Variants in CMBL observed in about 807,000 individuals in gnomAD.
The protein encoded by CMBL is carboxymethylenebutenolidase homolog.
CMBL carries 17 observed loss-of-function variants against 28.7 expected under a neutral mutation model. The observed-to-expected ratio is 0.59, with a 90% confidence interval of 0.41 to 0.89. The LOEUF (loss-of-function observed/expected upper bound fraction) is 0.89, where lower values mean the gene tolerates loss of function less well. Among genes scored for constraint, CMBL ranks in the 40% least tolerant of loss-of-function variants. The probability of loss-of-function intolerance (pLI) is 0.00; values close to 1 mark genes in which losing one functional copy is unlikely to be tolerated. For synonymous variants in CMBL, 106 were observed against 101.6 expected (o/e 1.04, Z -0.26); for missense variants, 310 against 298.5 (o/e 1.04, Z -0.28).
chr5:10,300,658 C>G (rs563793084), intron 1 of CMBL, among the ~76,000 whole-genome samples: 1 of 151,724 alleles, frequency 6.6e-6, no homozygotes, highest in Non-Finnish European at 1.5e-5. Context: ...TTTAATTAGC[C>G]GGGCATGGTG....
intron 3 of CMBL, among the ~76,000 whole-genome samples, 166 bp from the exon 4 acceptor site, chr5:10,286,662 T>C (rs1746610468): frequency 6.6e-6 from 1 of 152,152 alleles, no homozygotes; most frequent in South Asian, 2.1e-4. Context: ...TGATGCATCA[T>C]CCCAGCACAT....
In CMBL at chr5:10,279,741, T is replaced by C. The variant is rs1017672765; in HGVS notation, c.*712A>G. ...TTTTAGTAGAGATGGGGTTTCACCA[T>C]GTTGGCCAGGCTGGTCTTGAACTCC... On this transcript the variant is annotated 3_prime_UTR_variant, in exon 6 of 6. Transcript: ENST00000296658. 1 of 152,102 alleles carries C rather than the reference T, an allele frequency of 6.6e-6. No individual in the cohort carries two copies. The highest frequency in any genetic ancestry group is 1.5e-5 in the Non-Finnish European group (1 of 68,028). 9.4% of individuals were successfully genotyped at this position (152,102 alleles called of 1,614,324 possible).
chr5:10,302,491 A>G (rs1746917196), intron 1 of CMBL, among the ~76,000 whole-genome samples: 1 of 151,774 alleles, frequency 6.6e-6, no homozygotes, highest in Admixed American at 6.6e-5. Context: ...TAAAAAAAAA[A>G]AAAAAAAATT....
chr5:10,281,957 C>T (rs760935175), intron 5 of CMBL, among the ~76,000 whole-genome samples: 30 of 152,046 alleles, frequency 2.0e-4, no homozygotes, highest in Non-Finnish European at 3.2e-4. Flanking sequence ...GTCAGGAGTT[C>T]AAGACCAGCC....
intron 1 of CMBL, among the ~76,000 whole-genome samples, chr5:10,301,968 G>T (rs555743207): frequency 6.6e-6 from 1 of 152,270 alleles, no homozygotes; most frequent in African/African-American, 2.4e-5. Flanking sequence ...TTTTGCAAAA[G>T]GAATGCTTAC....
chr5:10,298,554 G>T (rs1467116953), intron 1 of CMBL, among the ~76,000 whole-genome samples: 1 of 152,186 alleles, frequency 6.6e-6, no homozygotes, highest in Non-Finnish European at 1.5e-5. Context: ...ATATCATGAT[G>T]TACCCACAGA....
At chr5:10,283,673 G>A (rs368752083) in intron 4 of CMBL, among the ~76,000 whole-genome samples, 5 of 152,330 alleles carry the variant, frequency 3.3e-5, no homozygotes, top group African/African-American at 1.2e-4. Flanking sequence ...GCTGAGACAG[G>A]AGAATTGCTT....
At position 10,280,530 on chromosome 5, in the gene CMBL, C is replaced by A. The variant is rs1433341672; in HGVS notation, c.661G>T (p.Asp221Tyr). The change falls in exon 6 of 6, where the codon GAT becomes TAT. Residue 221 changes from aspartate to tyrosine, a missense_variant. By Grantham distance (160) the Asp-to-Tyr change is radical. Coordinates refer to ENST00000296658, the MANE Select transcript of CMBL (RefSeq NM_138809.4). ...TAGGGCTTGTCTGCAGGTGAGCAAT[C>A]TTCTCTCTTCCGATGCACGAACCCA... is the stretch of plus-strand genomic sequence containing the variant. Reference protein sequence around the residue: ...THGFVHRKREDCSPADKPYID... With the variant: ...THGFVHRKREYCSPADKPYID... 3 of 1,613,904 alleles carry A rather than the reference C, an allele frequency of 1.9e-6. No individual in the cohort carries two copies. Among genetic ancestry groups the A allele is most frequent in the Non-Finnish European group, 2.5e-6 (3 of 1,179,894 alleles).
chr5:10,285,700 C>CTTTTT (rs34390937), intron 4 of CMBL, among the ~76,000 whole-genome samples: 2 of 133,704 alleles, frequency 1.5e-5, no homozygotes, highest in Non-Finnish European at 3.1e-5. Flanking sequence ...CTTTCTTTTT[C>CTTTTT]TTTTTTTTTT....
At chr5:10,285,700 CTTT>C (rs34390937) in intron 4 of CMBL, among the ~76,000 whole-genome samples, 5 of 133,692 alleles carry the variant, frequency 3.7e-5, no homozygotes, top group Middle Eastern at 3.7e-3. Context: ...CTTTCTTTTT[CTTT>C]TTTTTTTTTT....
At chr5:10,292,826 C>CAA (rs34798121) in intron 1 of CMBL, among the ~76,000 whole-genome samples, 1,119 of 107,206 alleles carry the variant, frequency 0.01, 30 homozygotes, top group African/African-American at 0.03. Context: ...CTCTGTCTCA[C>CAA]AAAAAAAAAA....
chr5:10,296,781 T>C (rs1746817627), intron 1 of CMBL, among the ~76,000 whole-genome samples: 1 of 152,150 alleles, frequency 6.6e-6, no homozygotes, highest in South Asian at 2.1e-4. Context: ...GAACAATGAA[T>C]GCTGAGTGTT....
At chr5:10,301,606 G>T (rs1579478060) in intron 1 of CMBL, among the ~76,000 whole-genome samples, 5 of 132,256 alleles carry the variant, frequency 3.8e-5, no homozygotes, top group East Asian at 2.1e-4. Context: ...TTCTTTTCGG[G>T]TTTTTTTTTT....
chr5:10,285,660 G>A lies in CMBL; in HGVS notation c.466+694C>T, dbSNP rs950868055. On this transcript the variant is annotated intron_variant, in intron 4 of 5. Coordinates refer to ENST00000296658, the MANE Select transcript of CMBL (RefSeq NM_138809.4). ...GTACAGTTAGAGCAATTTGTATCTT[G>A]GAAAAATCAGTCTTTCTTTCTTTCT... 4.0e-4 allele frequency among the ~76,000 whole-genome samples: 59 copies of A among 148,790 alleles called. 1 individual carries two copies. Among genetic ancestry groups the A allele is most frequent in the Non-Finnish European group, 7.4e-5 (5 of 67,438 alleles).
At chr5:10,299,789 T>C (rs1746864472) in intron 1 of CMBL, among the ~76,000 whole-genome samples, 1 of 151,740 alleles carries the variant, frequency 6.6e-6, no homozygotes, top group African/African-American at 2.4e-5. Flanking sequence ...AGGTCAAGAC[T>C]GCACCACTGC....
At chr5:10,297,035 A>C (rs991394726) in intron 1 of CMBL, among the ~76,000 whole-genome samples, 3 of 152,128 alleles carry the variant, frequency 2.0e-5, no homozygotes, top group Non-Finnish European at 4.4e-5. Context: ...AAATACAAAA[A>C]TTAGCCAGGC....
rs188944165 is a variant in CMBL, at chr5:10,287,826, T to C, written c.323+596A>G. 4.1e-3 allele frequency among the ~76,000 whole-genome samples: 618 copies of C among 151,962 alleles called. 3 individuals are homozygous for C. The highest frequency in any genetic ancestry group is 0.014 in the African/African-American group (599 of 41,504). Reference sequence around the variant, plus strand: ...CCCAGGTTCAAGCAATTCTCATGCCTCAGCCTCCCAAGTAGCTGGGACTAC... The same window carrying C: ...CCCAGGTTCAAGCAATTCTCATGCCCCAGCCTCCCAAGTAGCTGGGACTAC... On this transcript the variant is annotated intron_variant, in intron 3 of 5. Transcript: ENST00000296658.
chr5:10,291,459 G>A (rs1746715221), intron 1 of CMBL, among the ~76,000 whole-genome samples: 2 of 152,006 alleles, frequency 1.3e-5, no homozygotes, highest in Admixed American at 1.3e-4. Context: ...TCAGGAGATC[G>A]AGACCATCCT....
intron 1 of CMBL, among the ~76,000 whole-genome samples, chr5:10,301,327 G>C (rs1746893871): frequency 6.6e-6 from 1 of 152,166 alleles, no homozygotes; most frequent in Non-Finnish European, 1.5e-5. Context: ...AGGACAACTG[G>C]ACTGTAGTTT....
Sources: allele counts gnomAD v4.1 joint callset (sites outside exome capture counted in the v4.1 genomes callset), GRCh38; gene constraint gnomAD v4.1.1; transcripts MANE v1.5; gene names NCBI Gene and HGNC (gene_info 2026-07-23, HGNC 2026-07-21).